PGAP1: variants seen among roughly 807,000 people sequenced by gnomAD.
PGAP1 encodes the protein GPI inositol-deacylase.
PGAP1 carries 76 observed loss-of-function variants against 127.0 expected under a neutral mutation model. The observed-to-expected ratio is 0.60, with a 90% CI of 0.50 to 0.72. The LOEUF is 0.72. Among genes scored for constraint, PGAP1 ranks in the 30% least tolerant of loss-of-function variants. PGAP1 has a pLI of 0.00. For synonymous variants in PGAP1, 362 were observed against 366.5 expected, an observed-to-expected ratio of 0.99 and a Z score of 0.14; for missense variants, 982 against 1,071.3, an observed-to-expected ratio of 0.92 and a Z score of 1.16.
intron 20 of PGAP1, among the ~76,000 whole-genome samples, chr2:196,856,489 T>C (rs1181883074): frequency 6.6e-6 from 1 of 152,236 alleles, no homozygotes; most frequent in African/African-American, 2.4e-5. Context: ...TGCATTCTTC[T>C]AGATTCTTCC....
intron 20 of PGAP1, among the ~76,000 whole-genome samples, chr2:196,851,161 T>A (rs1700707642): frequency 6.6e-6 from 1 of 151,360 alleles, no homozygotes; most frequent in African/African-American, 2.4e-5. Flanking sequence ...TTTGTTTTTT[T>A]TAAAAAAAAC....
At chr2:196,876,077 A>G (rs1373420010) in intron 13 of PGAP1, among the ~76,000 whole-genome samples, 1 of 152,150 alleles carries the variant, frequency 6.6e-6, no homozygotes, top group Non-Finnish European at 1.5e-5. Context: ...CAACAGATTC[A>G]TAGCAGTTTT....
intron 1 of PGAP1, chr2:196,922,155 T>C: frequency 2.3e-6 from 3 of 1,297,106 alleles, no homozygotes; most frequent in Non-Finnish European, 3.0e-6. Flanking sequence ...CCTCCTTCCT[T>C]GACTCTGCCT....
At chr2:196,870,559 G>A (rs936586189) in intron 19 of PGAP1, among the ~76,000 whole-genome samples, 1 of 152,178 alleles carries the variant, frequency 6.6e-6, no homozygotes, top group African/African-American at 2.4e-5. Context: ...GCCTCCCAAA[G>A]TGCTGGGATT....
Position 196,903,205 on chromosome 2 carries a change from A to G in PGAP1, c.650-463T>C, listed in dbSNP as rs183787813. ...TTAAATGTATACATTACAAACTGTT[A>G]TATATGTGCGGTATTTTATATATCA... On this transcript the variant is annotated intron_variant, in intron 4 of 26. Coordinates refer to ENST00000354764, the MANE Select transcript of PGAP1 (RefSeq NM_024989.4). Among the ~76,000 whole-genome samples, 15 of 152,064 alleles carry G rather than the reference A, an allele frequency of 9.9e-5. No individual in the cohort carries two copies. The East Asian group carries it at 2.9e-3, about 29-fold the overall frequency.
Position 196,847,030 on chromosome 2 carries a change from A to G in PGAP1, c.2123T>C (p.Leu708Pro). 1.2e-6 allele frequency: 2 copies of G among 1,613,548 alleles called. No homozygotes were observed. The highest frequency in any genetic ancestry group is 1.7e-6 in the Non-Finnish European group (2 of 1,179,676). Residue 708 changes from leucine to proline, a missense_variant, in exon 22 of 27, where the codon CTT becomes CCT. Coordinates refer to ENST00000354764, the MANE Select transcript of PGAP1 (RefSeq NM_024989.4). ...TTTCAAAGCTAGCCACAATGAAGAAAGAAGTCTCACAGATGCAGAAGACAG... is the reference window on the plus strand; with the variant it reads ...TTTCAAAGCTAGCCACAATGAAGAAGGAAGTCTCACAGATGCAGAAGACAG... ...GLLSSASVRL[L>P]SSLWLALKRP...
chr2:196,883,638 G>C (rs1179315168), intron 12 of PGAP1, among the ~76,000 whole-genome samples: 1 of 152,104 alleles, frequency 6.6e-6, no homozygotes, highest in African/African-American at 2.4e-5. Context: ...TGCTTTGATG[G>C]AGGGCTCCAT....
In PGAP1 at chr2:196,897,840, T is replaced by A. The variant is rs188368335; in HGVS notation, c.860+477A>T. ...GTTGTCAAGAGAACCTTGGTCAAAC[T>A]GAAACAAGAACCAAGATGAGAGTTC... On this transcript the variant is annotated intron_variant, in intron 6 of 26. Coordinates refer to ENST00000354764, the MANE Select transcript of PGAP1 (RefSeq NM_024989.4). Among the ~76,000 whole-genome samples the A allele has an allele frequency of 1.2e-4, 19 of 152,336 alleles. No individual in the cohort carries two copies. In the East Asian group the frequency reaches 3.7e-3, roughly 29 times the overall value.
In PGAP1 at chr2:196,893,292, A is replaced by G. The variant is rs772220966; in HGVS notation, c.928-47T>C. ...TCTGTATCATTTTGTATCTATTGTA[A>G]TAGCTTGATGAAACATTGCTTCAGT... On this transcript the variant is annotated intron_variant, in intron 7 of 26. Transcript: ENST00000354764. 2.9e-6 allele frequency: 3 copies of G among 1,036,736 alleles called. No individual in the cohort carries two copies. The East Asian group carries it at 7.4e-5, about 26-fold the overall frequency. 64.2% of individuals were successfully genotyped at this position (1,036,736 alleles called of 1,614,324 possible).
chr2:196,900,884 G>A (rs866557425), intron 5 of PGAP1, among the ~76,000 whole-genome samples: 17 of 151,942 alleles, frequency 1.1e-4, no homozygotes, highest in South Asian at 4.2e-4. Flanking sequence ...CGGAGATCGC[G>A]CCACTGCACT....
intron 23 of PGAP1, 27 bp downstream of exon 23, chr2:196,845,855 C>T (rs747933960): frequency 1.3e-6 from 2 of 1,570,642 alleles, no homozygotes; most frequent in Non-Finnish European, 1.7e-6. Flanking sequence ...AAAGCTCAAT[C>T]ATTTTGGCTT....
Position 196,892,375 on chromosome 2 carries a change from C to A in PGAP1, c.1060G>T (p.Val354Leu). The change falls in exon 9 of 27, where the codon GTG (valine) becomes TTG (leucine). Residue 354 changes from valine to leucine, a missense_variant. Coordinates refer to ENST00000354764, the MANE Select transcript of PGAP1 (RefSeq NM_024989.4). ...TAAGCTACATAGGTCCATTTGGACA[C>A]TTTTACTAGAACCCACATAGATGTC... is the stretch of plus-strand genomic sequence containing the variant. ...TGTSMWVLVKVSKWTYVAYNE... is the reference protein window; with the variant it reads ...TGTSMWVLVKLSKWTYVAYNE... 1 of 1,498,852 alleles carries A rather than the reference C, an allele frequency of 6.7e-7. No individual in the cohort carries two copies. The highest frequency in any genetic ancestry group is 9.1e-7 in the Non-Finnish European group (1 of 1,096,642). The allele number at this position is 1,498,852 out of a possible 1,614,324, so 92.8% of individuals were successfully genotyped here.
At chr2:196,898,287 T>A in intron 6 of PGAP1, 30 bp downstream of exon 6, 4 of 1,519,376 alleles carry the variant, frequency 2.6e-6, no homozygotes, top group Non-Finnish European at 3.6e-6. Flanking sequence ...TGACAACTCA[T>A]CAAAACAAGT....
intron 5 of PGAP1, 129 bp downstream of exon 5, chr2:196,902,456 C>T: frequency 3.1e-6 from 2 of 646,976 alleles, no homozygotes; most frequent in Admixed American, 6.6e-5. Flanking sequence ...TACACACATG[C>T]ATGCCCACAC....
At chr2:196,854,727 C>T (rs1700824035) in intron 20 of PGAP1, among the ~76,000 whole-genome samples, 2 of 152,158 alleles carry the variant, frequency 1.3e-5, no homozygotes, top group African/African-American at 4.8e-5. Context: ...CATTTGCAAT[C>T]AGCTGTATTG....
At position 196,872,542 on chromosome 2, in the gene PGAP1, A is replaced by G. The variant is rs138897526; in HGVS notation, c.1627T>C (p.Ser543Pro). Residue 543 changes from serine (S) to proline (P), a missense_variant, in exon 18 of 27, where the codon TCT becomes CCT. By Grantham distance (74) the Ser-to-Pro change is moderately conservative. Transcript: ENST00000354764. The part of the protein sequence containing the change: ...EDSLTIAQAP[S>P]STEISLKLHI... ...AGTTTCAGAGAAATTTCTGTGGAAGATGGAGCCCTGAAGAGATAACTTAAA... is the reference window on the plus strand; with the variant it reads ...AGTTTCAGAGAAATTTCTGTGGAAGGTGGAGCCCTGAAGAGATAACTTAAA... The G allele has an allele frequency of 6.8e-6, 11 of 1,606,804 alleles. No homozygotes were observed. The highest frequency in any genetic ancestry group is 9.4e-6 in the Non-Finnish European group (11 of 1,173,576).
Position 196,847,172 on chromosome 2 carries a change from C to G in PGAP1, c.1981G>C (p.Val661Leu), listed in dbSNP as rs757171896. ...GCATCTAATTCTGGTAACAATAATA[C>G]ATCCCACAATTCTTTAAACCATTTA... ...GYKWFKELWDVLLLPELDAVI... is the reference protein window; with the variant it reads ...GYKWFKELWDLLLLPELDAVI... Residue 661 changes from valine (V) to leucine (L), a missense_variant, in exon 22 of 27, where the codon GTA becomes CTA. Transcript: ENST00000354764. 1 of 1,612,730 alleles carries G rather than the reference C, an allele frequency of 6.2e-7. No individual in the cohort carries two copies. The highest frequency in any genetic ancestry group is 1.7e-5 in the Admixed American group (1 of 59,992).
chr2:196,865,818 T>C (rs1364351170), intron 19 of PGAP1, among the ~76,000 whole-genome samples: 2 of 152,142 alleles, frequency 1.3e-5, no homozygotes, highest in Non-Finnish European at 2.9e-5. Context: ...CAAGCATTCC[T>C]ATACACCAGT....
chr2:196,899,328 C>A (rs1387654082), intron 5 of PGAP1, among the ~76,000 whole-genome samples: 2 of 152,146 alleles, frequency 1.3e-5, no homozygotes, highest in Admixed American at 1.3e-4. Flanking sequence ...ATCACTAACA[C>A]CCTGAACTCT....
Sources: gnomAD v4.1 joint callset for allele counts (sites outside exome capture counted in the v4.1 genomes callset) on GRCh38, gnomAD v4.1.1 for gene constraint, MANE v1.5 for transcripts, NCBI Gene and HGNC (gene_info 2026-07-23, HGNC 2026-07-21) for gene names.